The following CLNK variants were observed in gnomAD, a reference collection of about 807,000 sequenced individuals.
CLNK encodes cytokine dependent hematopoietic cell linker, also known as cytokine-dependent hematopoietic cell linker.
CLNK carries 74 observed loss-of-function variants against 68.6 expected under a neutral mutation model. That is an observed-to-expected ratio of 1.08 (90% CI 0.89 to 1.31). CLNK has a LOEUF of 1.31. CLNK is among the 50% of genes most tolerant of loss of function. CLNK has a pLI of 0.00. For missense variants in CLNK, 553 were observed against 515.3 expected, an observed-to-expected ratio of 1.07 and a Z score of -0.71; for synonymous variants, 198 against 172.2, an observed-to-expected ratio of 1.15 and a Z score of -1.17.
chr4:10,592,008 C>T (rs920602600), intron 3 of CLNK, among the ~76,000 whole-genome samples: 1 of 152,228 alleles, frequency 6.6e-6, no homozygotes, highest in Non-Finnish European at 1.5e-5. Context: ...CACCCAAGAC[C>T]CTCTTGGCCG....
intron 7 of CLNK, among the ~76,000 whole-genome samples, chr4:10,561,598 C>A (rs1251031710): frequency 6.6e-6 from 1 of 152,172 alleles, no homozygotes; most frequent in African/African-American, 2.4e-5. Context: ...TTCTTTATAA[C>A]CGGACCAGAA....
chr4:10,597,864 G>A (rs1721443023), intron 3 of CLNK, 114 bp downstream of exon 3: 1 of 722,970 alleles, frequency 1.4e-6, no homozygotes, highest in African/African-American at 1.8e-5. Flanking sequence ...TGACCTCTAA[G>A]TCACTACAGG....
intron 16 of CLNK, among the ~76,000 whole-genome samples, chr4:10,508,649 C>A (rs939121789): frequency 6.6e-6 from 1 of 152,180 alleles, no homozygotes; most frequent in Non-Finnish European, 1.5e-5. Flanking sequence ...AATTCCTTCA[C>A]AGGGTTCCGA....
At chr4:10,590,119 G>T (rs1721132383) in intron 3 of CLNK, among the ~76,000 whole-genome samples, 1 of 152,192 alleles carries the variant, frequency 6.6e-6, no homozygotes, top group Non-Finnish European at 1.5e-5. Flanking sequence ...CATGGCACAG[G>T]AAATGAACAA....
At position 10,487,138 on chromosome 4, in the gene CLNK, T is replaced by C. The variant is rs62288528; in HGVS notation, c.*3329A>G. On this transcript the variant is annotated 3_prime_UTR_variant, in exon 19 of 19. Coordinates refer to ENST00000226951, the MANE Select transcript of CLNK (RefSeq NM_052964.4). ...TGAAATCAGATATCAAGTGATACTT[T>C]TAAACTAAACGTGAGGTAATGGTTG... The C allele has an allele frequency of 0.26, 38,936 of 152,210 alleles. 6,326 individuals carry two copies. The highest frequency in any genetic ancestry group is 0.37 in the Non-Finnish European group (25,247 of 67,974). 9.4% of individuals were successfully genotyped at this position (152,210 alleles called of 1,614,324 possible). A position where few individuals can be genotyped will look rare whatever the true frequency, so the allele number is the denominator to read the frequency against.
At chr4:10,619,694 G>A (rs1722358366) in intron 2 of CLNK, among the ~76,000 whole-genome samples, 1 of 152,210 alleles carries the variant, frequency 6.6e-6, no homozygotes, top group East Asian at 1.9e-4. Flanking sequence ...ATCTTCAAAA[G>A]ACAGAATTAA....
At chr4:10,675,690 CTATT>C (rs1366580340) in intron 1 of CLNK, among the ~76,000 whole-genome samples, 1 of 152,092 alleles carries the variant, frequency 6.6e-6, no homozygotes, top group Admixed American at 6.5e-5. Context: ...ATACTGGCCT[CTATT>C]TATTTAAAAG....
At chr4:10,503,353 T>C (rs1717135770) in intron 17 of CLNK, among the ~76,000 whole-genome samples, 1 of 151,484 alleles carries the variant, frequency 6.6e-6, no homozygotes, top group African/African-American at 2.4e-5. Flanking sequence ...TCCTAGCTAC[T>C]CCAGAGGCTG....
At position 10,549,811 on chromosome 4, in the gene CLNK, T is replaced by C. The variant is rs578048227; in HGVS notation, c.446-7531A>G. 2.0e-4 allele frequency among the ~76,000 whole-genome samples: 30 copies of C among 152,318 alleles called. No individual in the cohort carries two copies. The South Asian group carries it at 4.6e-3, about 23-fold the overall frequency. On this transcript the variant is annotated intron_variant, in intron 8 of 18. Transcript: ENST00000226951. ...GTTCAAAGTCTTTCCCATCTCCAGTTTTCTCTTGGAGAAGCCAGGCATGCT... is the reference window on the plus strand; with the variant it reads ...GTTCAAAGTCTTTCCCATCTCCAGTCTTCTCTTGGAGAAGCCAGGCATGCT...
chr4:10,663,071 C>T (rs1034973853), intron 2 of CLNK, among the ~76,000 whole-genome samples: 18 of 152,216 alleles, frequency 1.2e-4, no homozygotes, highest in African/African-American at 4.1e-4. Flanking sequence ...GACTTTGTCT[C>T]TTCCAAAGCA....
At chr4:10,699,513 T>TACA in the CLNK span, among the ~76,000 whole-genome samples, 1 of 62,052 alleles carries the variant, frequency 1.6e-5, no homozygotes, top group Non-Finnish European at 2.7e-5. Flanking sequence ...TATATATATA[T>TACA]TTTTTTTTTT....
At chr4:10,580,374 ATTG>A (rs1254901819) in intron 4 of CLNK, among the ~76,000 whole-genome samples, 1 of 152,170 alleles carries the variant, frequency 6.6e-6, no homozygotes, top group Non-Finnish European at 1.5e-5. Flanking sequence ...CATACTTTTT[ATTG>A]TTATTTTAAA....
chr4:10,704,559 A>G, the CLNK span, among the ~76,000 whole-genome samples: 24 of 152,018 alleles, frequency 1.6e-4, no homozygotes, highest in Admixed American at 1.6e-3. Context: ...TGGATCAACC[A>G]TATGCTGCAG....
chr4:10,586,187 A>G (rs1720958728), intron 3 of CLNK, among the ~76,000 whole-genome samples: 1 of 152,136 alleles, frequency 6.6e-6, no homozygotes, highest in Admixed American at 6.6e-5. Context: ...ACAGACCAGT[A>G]CTGGTTCGTG....
intron 2 of CLNK, among the ~76,000 whole-genome samples, chr4:10,663,461 T>C (rs1724271705): frequency 6.6e-6 from 1 of 152,240 alleles, no homozygotes; most frequent in Non-Finnish European, 1.5e-5. Flanking sequence ...TATTCAACTT[T>C]ATAAATGAGG....
chr4:10,511,228 AAGCTGC>A (rs1469686140), intron 16 of CLNK, among the ~76,000 whole-genome samples: 1 of 152,094 alleles, frequency 6.6e-6, no homozygotes, highest in Non-Finnish European at 1.5e-5. Context: ...GTATAAAACC[AAGCTGC>A]ACCCTGACCC....
chr4:10,728,045 G>A, the CLNK span, among the ~76,000 whole-genome samples: 1 of 152,168 alleles, frequency 6.6e-6, no homozygotes, highest in Non-Finnish European at 1.5e-5. Context: ...GCCTCCTAGA[G>A]GGTATCGTAC....
At chr4:10,583,807 G>A (rs1274200194) in intron 4 of CLNK, among the ~76,000 whole-genome samples, 2 of 152,174 alleles carry the variant, frequency 1.3e-5, no homozygotes, top group Admixed American at 1.3e-4. Flanking sequence ...TAACCAAGGT[G>A]GGGAGCAAGA....
chr4:10,605,825 C>CAAAAAAAAAAAAAAAAAAAAA (rs59881800), intron 2 of CLNK, among the ~76,000 whole-genome samples: 1 of 100,390 alleles, frequency 1.0e-5, no homozygotes, highest in Non-Finnish European at 1.9e-5. Context: ...AGACTCTGTC[C>CAAAAAAAAAAAAAAAAAAAAA]AAAAAAAAAA....
Sources: gnomAD v4.1 joint callset for allele counts (sites outside exome capture counted in the v4.1 genomes callset) on GRCh38, gnomAD v4.1.1 for gene constraint, MANE v1.5 for transcripts, NCBI Gene and HGNC (gene_info 2026-07-23, HGNC 2026-07-21) for gene names.